The following ICE2 variants were observed in gnomAD, a reference collection of about 807,000 sequenced individuals.
The protein encoded by ICE2 is little elongation complex subunit 2.
In ICE2, 87 loss-of-function variants were observed where a neutral mutation model predicts 105.4. The ratio of observed to expected loss-of-function variants is 0.83; its 90% CI spans 0.69 to 0.99. The LOEUF (loss-of-function observed/expected upper bound fraction) is 0.99. Among genes scored for constraint, ICE2 ranks in the 50% least tolerant of loss-of-function variants. The pLI is 0.00. For synonymous variants in ICE2, 399 were observed against 392.0 expected, an observed-to-expected ratio of 1.02 and a Z score of -0.21; for missense variants, 1,323 against 1,146.7, an observed-to-expected ratio of 1.15 and a Z score of -2.22.
At chr15:60,447,923 T>C (rs773023590) in intron 11 of ICE2, 47 bp downstream of exon 11, 26 of 1,439,858 alleles carry the variant, frequency 1.8e-5, no homozygotes, top group African/African-American at 5.6e-5. Context: ...TAAGTATCTA[T>C]TGATTATTTA....
intron 5 of ICE2, among the ~76,000 whole-genome samples, chr15:60,460,623 A>G (rs1019638847): frequency 6.6e-6 from 1 of 152,182 alleles, no homozygotes; most frequent in Non-Finnish European, 1.5e-5. Flanking sequence ...TTTGGACCAC[A>G]TAATTCTTTG....
rs2141061986 is a variant in ICE2 at position 60,449,112 on chromosome 15, T to C, written c.1855A>G (p.Thr619Ala). 1 of 1,614,086 alleles carries C rather than the reference T, an allele frequency of 6.2e-7. No individual in the cohort carries two copies. The highest frequency in any genetic ancestry group is 8.5e-7 in the Non-Finnish European group (1 of 1,179,972). The part of the protein sequence containing the change: ...SSGQASVGNQ[T>A]NTACSPEESC... ...TCTTCAGGACTACAAGCAGTATTAG[T>C]CTGGTTTCCTACAGAAGCCTGTCCT... Residue 619 changes from threonine (T) to alanine (A), a missense_variant, in exon 10 of 16, where the codon ACT (threonine) becomes GCT (alanine). Transcript: ENST00000261520.
At chr15:60,453,009 T>C in intron 9 of ICE2, 1 of 935,112 alleles carries the variant, frequency 1.1e-6, no homozygotes, top group African/African-American at 1.8e-5. Flanking sequence ...GATGGGTGGA[T>C]CACCTGAAGT....
Position 60,460,018 on chromosome 15 carries a change from G to A in ICE2, c.529-3224C>T, listed in dbSNP as rs911676809. Among the ~76,000 whole-genome samples the A allele has an allele frequency of 3.9e-5, 6 of 152,254 alleles. 1 individual carries two copies. The highest frequency in any genetic ancestry group is 3.3e-4 in the Admixed American group (5 of 15,296). ...GATTTTATTTTTAAAAGAAAGGAAA[G>A]CAATCTAGCTGAACAGTTTTAATCC... On this transcript the variant is annotated intron_variant, in intron 5 of 15. Coordinates refer to ENST00000261520, the MANE Select transcript of ICE2 (RefSeq NM_024611.6).
chr15:60,435,843 G>T (rs1453715851), intron 13 of ICE2, among the ~76,000 whole-genome samples: 2 of 151,866 alleles, frequency 1.3e-5, no homozygotes, highest in Non-Finnish European at 2.9e-5. Flanking sequence ...GGGCATGCTG[G>T]TGCACACCTG....
intron 6 of ICE2, 26 bp from the exon 7 acceptor site, chr15:60,455,468 A>C: frequency 6.9e-7 from 1 of 1,454,054 alleles, no homozygotes; most frequent in East Asian, 2.3e-5. Flanking sequence ...AAATCATTTT[A>C]TTGCAAAAAT....
chr15:60,448,740 A>T, intron 10 of ICE2, 108 bp downstream of exon 10: 1 of 906,944 alleles, frequency 1.1e-6, no homozygotes, highest in Non-Finnish European at 1.7e-6. Context: ...ATCAGTGACT[A>T]TATGACAATT....
chr15:60,428,574 T>G lies in ICE2; in HGVS notation c.2675A>C (p.His892Pro). Residue 892 changes from histidine to proline, a missense_variant, in exon 15 of 16, where the codon CAT becomes CCT. By Grantham distance (77) the His-to-Pro change is moderately conservative. Coordinates refer to ENST00000261520, the MANE Select transcript of ICE2 (RefSeq NM_024611.6). ...TRTAYNLYKT[H>P]CGLPGVPSSL... The stretch of plus-strand genomic sequence containing the variant: ...GGAAGGTACACCAGGAAGGCCGCAA[T>G]GTGTTTTATACAAATTGTATGCTGT... 6.2e-7 allele frequency: 1 copy of G among 1,614,112 alleles called. No homozygotes were observed. Among genetic ancestry groups the G allele is most frequent in the South Asian group, 1.1e-5 (1 of 91,082 alleles).
At position 60,453,597 on chromosome 15, in the gene ICE2, A is replaced by G. The variant is rs1272584075; in HGVS notation, c.1125+6T>C. On this transcript the variant is annotated splice_donor_region_variant and intron_variant, in intron 9 of 15. Transcript: ENST00000261520. The stretch of plus-strand genomic sequence containing the variant: ...CCCCTTAGGGGAAAAAAAAAGCATT[A>G]CATACGTCCATTTCAGATATAAACT... 3.7e-6 allele frequency: 6 copies of G among 1,612,140 alleles called. No individual in the cohort carries two copies. The highest frequency in any genetic ancestry group is 1.7e-4 in the Middle Eastern group (1 of 5,922).
intron 14 of ICE2, among the ~76,000 whole-genome samples, chr15:60,429,980 AAT>A (rs1384161475): frequency 4.6e-5 from 7 of 152,308 alleles, no homozygotes; most frequent in Admixed American, 3.9e-4. Flanking sequence ...GTACATGTCT[AAT>A]GTACATAGAT....
chr15:60,467,373 T>C (rs2064460299), intron 4 of ICE2, among the ~76,000 whole-genome samples: 2 of 152,224 alleles, frequency 1.3e-5, no homozygotes, highest in African/African-American at 4.8e-5. Flanking sequence ...TGGAAAATGC[T>C]TACTGTCATT....
chr15:60,439,564 G>C (rs1331194465), intron 12 of ICE2: 1 of 152,048 alleles, frequency 6.6e-6, no homozygotes, highest in Non-Finnish European at 1.5e-5. Flanking sequence ...TACATTTTAA[G>C]TAGAGACAGG....
chr15:60,478,092 G>C (rs2064817322), intron 1 of ICE2, 23 bp from the exon 2 acceptor site: 1 of 932,186 alleles, frequency 1.1e-6, no homozygotes, highest in African/African-American at 1.6e-5. Context: ...AAAAGGCCAA[G>C]ATCAAAAGCA....
At chr15:60,435,313 T>C (rs916760619) in intron 13 of ICE2, among the ~76,000 whole-genome samples, 6 of 142,502 alleles carry the variant, frequency 4.2e-5, no homozygotes, top group Admixed American at 1.4e-4. Context: ...AAAAATCACA[T>C]GTAGGGCCAG....
At chr15:60,457,972 A>C (rs1595795954) in intron 5 of ICE2, among the ~76,000 whole-genome samples, 1 of 152,308 alleles carries the variant, frequency 6.6e-6, no homozygotes, top group Middle Eastern at 3.4e-3. Flanking sequence ...TGAAATAGAG[A>C]CCATTCTTGT....
intron 13 of ICE2, among the ~76,000 whole-genome samples, chr15:60,432,862 G>A (rs563771442): frequency 7.2e-5 from 11 of 151,894 alleles, no homozygotes; most frequent in South Asian, 2.1e-4. Flanking sequence ...ACTGCACTCC[G>A]GCCTGGGCAA....
chr15:60,478,238 G>A (rs559270327), intron 1 of ICE2, among the ~76,000 whole-genome samples, 169 bp from the exon 2 acceptor site: 1 of 152,294 alleles, frequency 6.6e-6, no homozygotes, highest in East Asian at 1.9e-4. Flanking sequence ...TGACGATACA[G>A]GACGAGCCCT....
At chr15:60,472,288 T>A (rs2064623066) in intron 3 of ICE2, among the ~76,000 whole-genome samples, 1 of 151,990 alleles carries the variant, frequency 6.6e-6, no homozygotes, top group South Asian at 2.1e-4. Context: ...AAAAGGAAAA[T>A]TTTTTTTATC....
intron 11 of ICE2, chr15:60,445,670 C>G (rs998805918): frequency 1.0e-6 from 1 of 984,908 alleles, no homozygotes; most frequent in African/African-American, 1.7e-5. Flanking sequence ...TCACCTTAGT[C>G]AAGTGAATTA....
Sources: allele counts gnomAD v4.1 joint callset (sites outside exome capture counted in the v4.1 genomes callset), GRCh38; gene constraint gnomAD v4.1.1; transcripts MANE v1.5; gene names NCBI Gene and HGNC (gene_info 2026-07-23, HGNC 2026-07-21).